The following C8orf34 variants were observed in gnomAD, a reference collection of about 807,000 sequenced individuals.
C8orf34 encodes the protein uncharacterized protein C8orf34.
C8orf34 carries 65 observed loss-of-function variants against 68.3 expected under a neutral mutation model. That is an observed-to-expected ratio of 0.95 (90% CI 0.78 to 1.17). The LOEUF (loss-of-function observed/expected upper bound fraction) is 1.17, where lower values mean the gene tolerates loss of function less well. Among genes scored for constraint, C8orf34 ranks in the 50% most tolerant of loss-of-function variants. C8orf34 has a pLI of 0.00. For missense variants in C8orf34, 664 were observed against 655.4 expected (o/e 1.01, Z -0.14); for synonymous variants, 244 against 241.2 (o/e 1.01, Z -0.11).
intron 7 of C8orf34, among the ~76,000 whole-genome samples, chr8:68,608,551 T>C (rs1817922287): frequency 6.6e-6 from 1 of 151,394 alleles, no homozygotes; most frequent in Admixed American, 6.6e-5. Context: ...AAATTGGAAG[T>C]AGCCACTCCA....
intron 12 of C8orf34, among the ~76,000 whole-genome samples, chr8:68,800,141 G>A (rs1824288959): frequency 1.3e-5 from 2 of 152,180 alleles, no homozygotes; most frequent in Non-Finnish European, 2.9e-5. Context: ...TAGATAGCAG[G>A]AAAACCTTTG....
intron 1 of C8orf34, among the ~76,000 whole-genome samples, chr8:68,345,717 G>A (rs955799259): frequency 3.3e-5 from 5 of 151,794 alleles, no homozygotes; most frequent in Admixed American, 3.3e-4. Flanking sequence ...ACATACATGT[G>A]TGTATTTATA....
intron 3 of C8orf34, among the ~76,000 whole-genome samples, chr8:68,463,748 A>G (rs1303978846): frequency 3.3e-5 from 5 of 152,244 alleles, no homozygotes; most frequent in Non-Finnish European, 7.3e-5. Context: ...ACAACGCTTC[A>G]TGCTAAAAGC....
At chr8:68,561,434 T>A (rs1378679432) in intron 7 of C8orf34, among the ~76,000 whole-genome samples, 1 of 152,318 alleles carries the variant, frequency 6.6e-6, no homozygotes, top group East Asian at 1.9e-4. Flanking sequence ...TTTAACTTTT[T>A]AAAAATTTTT....
intron 5 of C8orf34, among the ~76,000 whole-genome samples, chr8:68,520,458 T>G (rs1814700831): frequency 6.6e-6 from 1 of 152,134 alleles, no homozygotes. Context: ...TTAAATTTTA[T>G]TTTTATTTTT....
chr8:68,682,368 A>G (rs1585722601), intron 8 of C8orf34, among the ~76,000 whole-genome samples: 5 of 152,204 alleles, frequency 3.3e-5, no homozygotes, highest in Admixed American at 2.6e-4. Context: ...AGTTAAAAAG[A>G]TATTTTTTTA....
intron 5 of C8orf34, among the ~76,000 whole-genome samples, chr8:68,516,894 C>G (rs6472403): frequency 0.18 from 26,867 of 151,868 alleles, 5,002 homozygotes; most frequent in African/African-American, 0.47. Context: ...CCCACTTTGG[C>G]CTTCCAAAGT....
At chr8:68,497,824 C>G (rs572985181) in intron 5 of C8orf34, among the ~76,000 whole-genome samples, 9 of 150,658 alleles carry the variant, frequency 6.0e-5, no homozygotes, top group African/African-American at 1.7e-4. Context: ...ATATTTGCTT[C>G]TATTTTTGGG....
intron 7 of C8orf34, among the ~76,000 whole-genome samples, chr8:68,614,317 G>T (rs1325646491): frequency 5.3e-5 from 8 of 152,084 alleles, no homozygotes; most frequent in Middle Eastern, 3.2e-3. Context: ...GTCAATTTTG[G>T]CTTTTGTTGC....
intron 7 of C8orf34, among the ~76,000 whole-genome samples, chr8:68,634,388 A>G (rs776890073): frequency 4.6e-5 from 7 of 152,230 alleles, no homozygotes; most frequent in Non-Finnish European, 7.3e-5. Flanking sequence ...AAAGATTCTC[A>G]GTTTTCTACA....
intron 7 of C8orf34, among the ~76,000 whole-genome samples, chr8:68,549,950 C>G (rs1232877777): frequency 6.6e-6 from 1 of 151,674 alleles, no homozygotes; most frequent in Non-Finnish European, 1.5e-5. Context: ...CATGGTATAT[C>G]TTTCTCTATC....
chr8:68,358,334 T>A (rs943180959), intron 1 of C8orf34, among the ~76,000 whole-genome samples: 1 of 152,022 alleles, frequency 6.6e-6, no homozygotes, highest in Non-Finnish European at 1.5e-5. Flanking sequence ...ATTTGAGCCT[T>A]AGAGACTTTG....
intron 1 of C8orf34, among the ~76,000 whole-genome samples, chr8:68,352,747 C>T (rs1054608017): frequency 6.2e-4 from 94 of 152,178 alleles, no homozygotes; most frequent in African/African-American, 2.2e-3. Flanking sequence ...CCAGCAATTT[C>T]ATTGTAGGAA....
intron 1 of C8orf34, among the ~76,000 whole-genome samples, chr8:68,436,679 C>T (rs899964241): frequency 1.2e-4 from 19 of 152,092 alleles, no homozygotes; most frequent in African/African-American, 4.3e-4. Flanking sequence ...AGCTTATGTA[C>T]CTGAAACTGA....
intron 10 of C8orf34, among the ~76,000 whole-genome samples, chr8:68,725,994 C>T (rs1240940850): frequency 2.6e-5 from 4 of 151,948 alleles, no homozygotes; most frequent in Admixed American, 6.6e-5. Context: ...CTGCAACCTC[C>T]GCCTCCTGGG....
chr8:68,783,513 G>A (rs1416070374), intron 11 of C8orf34, among the ~76,000 whole-genome samples: 73 of 117,540 alleles, frequency 6.2e-4, no homozygotes, highest in African/African-American at 2.5e-3. Flanking sequence ...AACAGGGCGA[G>A]ACTTCATCTC....
chr8:68,734,015 C>T (rs1238285719), intron 10 of C8orf34, among the ~76,000 whole-genome samples: 1 of 152,116 alleles, frequency 6.6e-6, no homozygotes, highest in Middle Eastern at 3.4e-3. Context: ...TCAAGTTTCA[C>T]TAATTTTTTT....
intron 7 of C8orf34, among the ~76,000 whole-genome samples, chr8:68,592,209 T>C (rs1445423946): frequency 6.6e-6 from 1 of 152,112 alleles, no homozygotes; most frequent in African/African-American, 2.4e-5. Context: ...TATAGACATC[T>C]ATGGTAATAT....
At chr8:68,709,126 A>T in intron 9 of C8orf34, 47 bp downstream of exon 9, 1 of 1,407,968 alleles carries the variant, frequency 7.1e-7, no homozygotes, top group Non-Finnish European at 9.9e-7. Flanking sequence ...AGTGGCACTT[A>T]AAGATTAAAG....
Sources: allele counts gnomAD v4.1 joint callset (sites outside exome capture counted in the v4.1 genomes callset), GRCh38; gene constraint gnomAD v4.1.1; transcripts MANE v1.5; gene names NCBI Gene and HGNC (gene_info 2026-07-23, HGNC 2026-07-21).